The following NEDD4L variants were observed in gnomAD, a reference collection of about 807,000 sequenced individuals.
The protein encoded by NEDD4L is NEDD4 like E3 ubiquitin protein ligase.
A neutral mutation model predicts 148.9 loss-of-function variants in NEDD4L; 54 were observed. The ratio of observed to expected loss-of-function variants is 0.36; its 90% CI spans 0.29 to 0.45. The LOEUF is 0.45. NEDD4L is among the 20% of genes least tolerant of loss of function. NEDD4L has a pLI of 1.00. For synonymous variants in NEDD4L, 433 were observed against 440.7 expected, an observed-to-expected ratio of 0.98 and a Z score of 0.22; for missense variants, 856 against 1,233.8, an observed-to-expected ratio of 0.69 and a Z score of 4.59.
At chr18:58,197,363 A>T (rs1350878214) in intron 2 of NEDD4L, among the ~76,000 whole-genome samples, 1 of 152,102 alleles carries the variant, frequency 6.6e-6, no homozygotes, top group African/African-American at 2.4e-5. Context: ...AACCTGACTG[A>T]ATGGAGTGTG....
chr18:58,114,013 A>C (rs499661), intron 1 of NEDD4L, among the ~76,000 whole-genome samples: 28,488 of 152,096 alleles, frequency 0.19, 3,342 homozygotes, highest in African/African-American at 0.32. Context: ...TACCAGCCGC[A>C]GGGCACTTTG....
At chr18:58,345,430 A>G (rs76885894) in intron 16 of NEDD4L, among the ~76,000 whole-genome samples, 1,950 of 152,304 alleles carry the variant, frequency 0.013, 36 homozygotes, top group African/African-American at 0.045. Flanking sequence ...TTTTGAAAGA[A>G]GAAGAGAACA....
chr18:58,088,330 G>T (rs1343913952), intron 1 of NEDD4L, among the ~76,000 whole-genome samples: 1 of 152,192 alleles, frequency 6.6e-6, no homozygotes, highest in Non-Finnish European at 1.5e-5. Flanking sequence ...AATTATTGGG[G>T]GCTATCATGG....
At chr18:58,077,894 G>T (rs2083252422) in intron 1 of NEDD4L, among the ~76,000 whole-genome samples, 1 of 152,148 alleles carries the variant, frequency 6.6e-6, no homozygotes, top group African/African-American at 2.4e-5. Flanking sequence ...TATCACACCA[G>T]GGGGCATCTA....
chr18:58,126,951 G>A (rs2031223138), intron 1 of NEDD4L, among the ~76,000 whole-genome samples: 1 of 152,216 alleles, frequency 6.6e-6, no homozygotes, highest in Admixed American at 6.5e-5. Context: ...CTCACCTGGG[G>A]TTGACTGACC....
intron 2 of NEDD4L, among the ~76,000 whole-genome samples, chr18:58,173,323 A>G (rs1368405783): frequency 6.6e-6 from 1 of 152,194 alleles, no homozygotes; most frequent in African/African-American, 2.4e-5. Flanking sequence ...AGACAAACCA[A>G]CTGTAGAATC....
At position 58,331,027 on chromosome 18, in the gene NEDD4L, A is replaced by C. The variant is rs183150747; in HGVS notation, c.990+113A>C. 2.2e-4 allele frequency: 227 copies of C among 1,053,054 alleles called. No individual in the cohort carries two copies. In the African/African-American group the frequency reaches 3.2e-3, roughly 15 times the overall value. The allele number at this position is 1,053,054 out of a possible 1,614,324, so 65.2% of individuals were successfully genotyped here. On this transcript the variant is annotated intron_variant, in intron 11 of 30. Transcript: ENST00000400345. ...CCAAGGGTCTTCCAGCTCCCAGCTA[A>C]CTCTGACATTTTCCAAAGTTCCTCC...
chr18:58,138,333 C>T (rs1317759979), intron 1 of NEDD4L, among the ~76,000 whole-genome samples: 3 of 144,896 alleles, frequency 2.1e-5, no homozygotes, highest in Admixed American at 6.8e-5. Flanking sequence ...CTTCTTCCCT[C>T]CCCTCCTCCT....
intron 1 of NEDD4L, among the ~76,000 whole-genome samples, chr18:58,068,207 T>C (rs954516878): frequency 1.5e-4 from 14 of 91,596 alleles, no homozygotes; most frequent in South Asian, 8.6e-4. Context: ...TTTTTTTTTT[T>C]GTTTTGTTTT....
intron 2 of NEDD4L, among the ~76,000 whole-genome samples, chr18:58,227,182 T>G (rs780767559): frequency 1.3e-5 from 2 of 152,214 alleles, no homozygotes; most frequent in Non-Finnish European, 2.9e-5. Context: ...CTTGGTAAAA[T>G]GTAGGCTCCG....
chr18:58,365,571 G>A (rs979018164), intron 20 of NEDD4L, among the ~76,000 whole-genome samples: 1 of 152,170 alleles, frequency 6.6e-6, no homozygotes, highest in Non-Finnish European at 1.5e-5. Flanking sequence ...CTACCACCTG[G>A]CGGCCCTGCC....
chr18:58,246,815 A>G (rs964938051), intron 3 of NEDD4L, among the ~76,000 whole-genome samples: 5 of 151,906 alleles, frequency 3.3e-5, no homozygotes, highest in African/African-American at 1.2e-4. Flanking sequence ...GACATATGTA[A>G]TATATATATA....
At chr18:58,156,719 C>T (rs1425156549) in intron 1 of NEDD4L, among the ~76,000 whole-genome samples, 6 of 152,080 alleles carry the variant, frequency 3.9e-5, no homozygotes, top group African/African-American at 2.4e-5. Context: ...GGTTAATGAC[C>T]GCCAGTTCCT....
chr18:58,239,817 G>T (rs1185606231), intron 2 of NEDD4L, among the ~76,000 whole-genome samples: 1 of 152,186 alleles, frequency 6.6e-6, no homozygotes, highest in Admixed American at 6.5e-5. Flanking sequence ...TTCCATCTCT[G>T]AATTCTTTAA....
intron 1 of NEDD4L, among the ~76,000 whole-genome samples, chr18:58,074,962 A>G (rs2083084232): frequency 6.6e-6 from 1 of 152,168 alleles, no homozygotes; most frequent in Non-Finnish European, 1.5e-5. Context: ...GTGTGAGAGA[A>G]GCTTCTCCAT....
chr18:58,256,066 C>T lies in NEDD4L; in HGVS notation c.297+4012C>T, dbSNP rs1343470561. ...CGAGGGCCTCGCCCCAGAGTGGCTC[C>T]CGGGAGCCCTCGCCGAGGGACACCC... On this transcript the variant is annotated intron_variant, in intron 5 of 30. Coordinates refer to ENST00000400345, the MANE Select transcript of NEDD4L (RefSeq NM_001144967.3). The surrounding 1 kb of genome is among the most constrained non-coding windows in gnomAD (Gnocchi z 5.2). The T allele has an allele frequency of 1.6e-6, 2 of 1,228,928 alleles. No individual in the cohort carries two copies. The highest frequency in any genetic ancestry group is 2.0e-6 in the Non-Finnish European group (2 of 986,134). 76.1% of individuals were successfully genotyped at this position (1,228,928 alleles called of 1,614,324 possible).
intron 5 of NEDD4L, among the ~76,000 whole-genome samples, chr18:58,292,609 G>T (rs1190566320): frequency 6.6e-6 from 1 of 152,204 alleles, no homozygotes; most frequent in African/African-American, 2.4e-5. Flanking sequence ...TTTATAGATG[G>T]TTCTATATAT....
intron 1 of NEDD4L, among the ~76,000 whole-genome samples, chr18:58,062,878 C>G (rs1438163308): frequency 6.6e-6 from 1 of 151,408 alleles, no homozygotes; most frequent in African/African-American, 2.4e-5. Context: ...GTCCCAGCTA[C>G]TCGGGAGTCT....
intron 1 of NEDD4L, among the ~76,000 whole-genome samples, chr18:58,099,669 G>C (rs1339803198): frequency 6.6e-6 from 1 of 152,154 alleles, no homozygotes; most frequent in African/African-American, 2.4e-5. Flanking sequence ...ATTAAAACCA[G>C]GAGGTCTGCT....
Sources: gnomAD v4.1 joint callset for allele counts (sites outside exome capture counted in the v4.1 genomes callset) on GRCh38, gnomAD v4.1.1 for gene constraint, Gnocchi (gnomAD v3.1) non-coding constraint, MANE v1.5 for transcripts, NCBI Gene and HGNC (gene_info 2026-07-23, HGNC 2026-07-21) for gene names.